Variants in PTPRD observed in about 807,000 individuals in gnomAD.
PTPRD encodes the protein receptor-type tyrosine-protein phosphatase delta.
A neutral mutation model predicts 214.5 loss-of-function variants in PTPRD; 34 were observed. The ratio of observed to expected loss-of-function variants is 0.16; its 90% CI spans 0.12 to 0.21. The LOEUF is 0.21. Ranked by LOEUF, PTPRD falls within the 10% of genes least tolerant of loss-of-function variation. The pLI, the probability that PTPRD is intolerant of heterozygous loss-of-function variation, is 1.00. For missense variants in PTPRD, 2,545 were observed against 2,398.7 expected (o/e 1.06, Z -1.27); for synonymous variants, 1,128 against 845.7 (o/e 1.33, Z -5.79).
Position 9,280,194 on chromosome 9 carries a change from G to C in PTPRD, c.-202-96831C>G, listed in dbSNP as rs187804733. On this transcript the variant is annotated intron_variant, in intron 9 of 45. Coordinates refer to ENST00000381196, the MANE Select transcript of PTPRD (RefSeq NM_002839.4). Reference sequence around the variant, plus strand: ...TGTCAATTATTTCTACATGAATAAGGCTGAGACTTAAGTGGAGAATCCATA... The same window carrying C: ...TGTCAATTATTTCTACATGAATAAGCCTGAGACTTAAGTGGAGAATCCATA... Among the ~76,000 whole-genome samples, 27 of 151,270 alleles carry C rather than the reference G, an allele frequency of 1.8e-4. No homozygotes were observed. The East Asian group carries it at 5.3e-3, about 30-fold the overall frequency.
chr9:10,263,767 A>C (rs905267648), intron 3 of PTPRD, among the ~76,000 whole-genome samples: 1 of 152,188 alleles, frequency 6.6e-6, no homozygotes, highest in African/African-American at 2.4e-5. Context: ...CCCAATGTTA[A>C]TCACCAAGAC....
At chr9:9,604,208 T>C (rs115854237) in intron 7 of PTPRD, among the ~76,000 whole-genome samples, 2,363 of 152,212 alleles carry the variant, frequency 0.016, 57 homozygotes, top group African/African-American at 0.054. Context: ...TTCAATACTA[T>C]TTCATTGAAA....
At chr9:9,964,386 A>G (rs573615497) in intron 4 of PTPRD, among the ~76,000 whole-genome samples, 1 of 152,338 alleles carries the variant, frequency 6.6e-6, no homozygotes, top group South Asian at 2.1e-4. Context: ...ATAATTTCTT[A>G]GAAAAGTTTT....
intron 7 of PTPRD, among the ~76,000 whole-genome samples, chr9:9,618,660 G>A (rs1229024316): frequency 2.0e-5 from 3 of 152,090 alleles, no homozygotes; most frequent in South Asian, 2.1e-4. Context: ...ATTATCTTTG[G>A]GATGTGTTTA....
chr9:9,954,453 A>G (rs2093733485), intron 4 of PTPRD, among the ~76,000 whole-genome samples: 1 of 151,958 alleles, frequency 6.6e-6, no homozygotes, highest in Non-Finnish European at 1.5e-5. Flanking sequence ...TTGTTTTAAC[A>G]TTATGAAAAT....
chr9:9,961,862 T>A (rs1365998782), intron 4 of PTPRD, among the ~76,000 whole-genome samples: 1 of 152,184 alleles, frequency 6.6e-6, no homozygotes, highest in Non-Finnish European at 1.5e-5. Flanking sequence ...TTATTAGTCA[T>A]GGTATTATTT....
chr9:9,863,252 G>A (rs193276515), intron 5 of PTPRD, among the ~76,000 whole-genome samples: 140 of 152,234 alleles, frequency 9.2e-4, no homozygotes, highest in African/African-American at 3.3e-3. Flanking sequence ...AAGACAGAAT[G>A]GAAGTGGTGC....
At chr9:8,360,314 T>C (rs971667043) in intron 39 of PTPRD, among the ~76,000 whole-genome samples, 1 of 152,224 alleles carries the variant, frequency 6.6e-6, no homozygotes, top group African/African-American at 2.4e-5. Context: ...AACTACTGTT[T>C]GCTGTTGATA....
intron 7 of PTPRD, among the ~76,000 whole-genome samples, chr9:9,599,940 A>T (rs1476313052): frequency 6.6e-6 from 1 of 152,094 alleles, no homozygotes; most frequent in Non-Finnish European, 1.5e-5. Context: ...CAACTGACAG[A>T]ATTATTTAAT....
chr9:8,461,721 G>A (rs939495763), intron 32 of PTPRD, among the ~76,000 whole-genome samples: 55 of 150,320 alleles, frequency 3.7e-4, no homozygotes, highest in African/African-American at 1.2e-3. Context: ...TCTCAATTTT[G>A]AATTAAACCA....
intron 3 of PTPRD, among the ~76,000 whole-genome samples, chr9:10,139,104 C>T (rs2098963607): frequency 6.6e-6 from 1 of 152,046 alleles, no homozygotes; most frequent in African/African-American, 2.4e-5. Flanking sequence ...GTCAAACTAT[C>T]TTTCTTCGCT....
At chr9:9,228,484 T>C (rs2099960983) in intron 9 of PTPRD, among the ~76,000 whole-genome samples, 1 of 152,146 alleles carries the variant, frequency 6.6e-6, no homozygotes, top group South Asian at 2.1e-4. Flanking sequence ...ATATACAGTA[T>C]ATATACATAT....
At chr9:9,513,547 A>G (rs1387763594) in intron 8 of PTPRD, among the ~76,000 whole-genome samples, 1 of 151,532 alleles carries the variant, frequency 6.6e-6, no homozygotes, top group Non-Finnish European at 1.5e-5. Context: ...ATTTTATTTC[A>G]TCTCCATGTA....
intron 14 of PTPRD, among the ~76,000 whole-genome samples, chr9:8,599,269 A>G (rs2094663826): frequency 6.6e-6 from 1 of 152,142 alleles, no homozygotes; most frequent in Admixed American, 6.5e-5. Flanking sequence ...TCCTTTATAA[A>G]TTACTCAGTC....
intron 5 of PTPRD, among the ~76,000 whole-genome samples, chr9:9,902,781 G>C (rs2076697445): frequency 6.6e-6 from 1 of 152,218 alleles, no homozygotes; most frequent in East Asian, 1.9e-4. Flanking sequence ...ATGTAAAGGT[G>C]AGCTAGAGCT....
At chr9:9,947,375 T>TATATATATA in intron 4 of PTPRD, among the ~76,000 whole-genome samples, 1 of 52,540 alleles carries the variant, frequency 1.9e-5, no homozygotes, top group African/African-American at 8.5e-5. Context: ...ATATATATAT[T>TATATATATA]ATATATATTT....
chr9:8,686,596 CA>C (rs1443931682), intron 12 of PTPRD, among the ~76,000 whole-genome samples: 1 of 151,980 alleles, frequency 6.6e-6, no homozygotes, highest in East Asian at 1.9e-4. Context: ...TCAAACAAGC[CA>C]AAAATGTGTC....
chr9:8,891,285 C>G (rs1048510325), intron 11 of PTPRD, among the ~76,000 whole-genome samples: 1 of 151,892 alleles, frequency 6.6e-6, no homozygotes, highest in Non-Finnish European at 1.5e-5. Context: ...AGGCACCCGC[C>G]ACCACGCCTG....
intron 33 of PTPRD, among the ~76,000 whole-genome samples, chr9:8,451,487 G>C (rs889021069): frequency 2.0e-5 from 3 of 152,176 alleles, no homozygotes; most frequent in African/African-American, 7.2e-5. Context: ...CGAAGAAAAA[G>C]ACAGGCTCAT....
Sources: allele counts gnomAD v4.1 joint callset (sites outside exome capture counted in the v4.1 genomes callset), GRCh38; gene constraint gnomAD v4.1.1; transcripts MANE v1.5; gene names NCBI Gene and HGNC (gene_info 2026-07-23, HGNC 2026-07-21).